CDKAL1: variants seen among roughly 807,000 people sequenced by gnomAD.
CDKAL1 encodes CDKAL1 threonylcarbamoyladenosine tRNA methylthiotransferase.
In CDKAL1, 32 loss-of-function variants were observed where a neutral mutation model predicts 68.2. The observed-to-expected ratio is 0.47, with a 90% confidence interval of 0.35 to 0.63. The LOEUF (loss-of-function observed/expected upper bound fraction) is 0.63. Among genes scored for constraint, CDKAL1 ranks in the 30% least tolerant of loss-of-function variants. The pLI, the probability that CDKAL1 is intolerant of heterozygous loss-of-function variation, is 0.00. For missense variants in CDKAL1, 606 were observed against 696.7 expected (o/e 0.87, Z 1.47); for synonymous variants, 234 against 244.3 (o/e 0.96, Z 0.39).
At chr6:20,912,018 G>A (rs1027969750) in intron 9 of CDKAL1, among the ~76,000 whole-genome samples, 1 of 152,138 alleles carries the variant, frequency 6.6e-6, no homozygotes, top group Non-Finnish European at 1.5e-5. Flanking sequence ...CTCTGAGAAG[G>A]ACCACCCAAT....
chr6:20,666,809 A>G lies in CDKAL1; in HGVS notation c.371+17432A>G, dbSNP rs1158366285. On this transcript the variant is annotated intron_variant, in intron 5 of 15. Transcript: ENST00000274695. ...TTGAAGTGTCTGGATTCTGTTTGCC[A>G]CTGTTTAAAGATTTAACTAGTTCTT... Among the ~76,000 whole-genome samples the G allele has an allele frequency of 1.1e-4, 16 of 151,354 alleles. No homozygotes were observed. In the Admixed American group the frequency reaches 1.1e-3, roughly 10 times the overall value.
At chr6:21,194,167 C>G (rs1299852710) in intron 13 of CDKAL1, among the ~76,000 whole-genome samples, 1 of 152,226 alleles carries the variant, frequency 6.6e-6, no homozygotes, top group Non-Finnish European at 1.5e-5. Context: ...ATCTTAAGGA[C>G]ACTGCCTCCC....
chr6:21,212,345 C>T (rs1779185482), intron 15 of CDKAL1, among the ~76,000 whole-genome samples: 2 of 152,116 alleles, frequency 1.3e-5, no homozygotes, highest in Non-Finnish European at 2.9e-5. Flanking sequence ...AAAAAAAAAT[C>T]ACAGTCAAGC....
intron 4 of CDKAL1, among the ~76,000 whole-genome samples, chr6:20,580,027 T>C (rs549769881): frequency 4.6e-4 from 70 of 152,242 alleles, no homozygotes; most frequent in African/African-American, 1.6e-3. Flanking sequence ...AAGGCTGTAT[T>C]TATAGTAGAT....
At chr6:20,893,140 A>G (rs551456276) in intron 9 of CDKAL1, among the ~76,000 whole-genome samples, 4 of 152,290 alleles carry the variant, frequency 2.6e-5, no homozygotes, top group African/African-American at 7.2e-5. Flanking sequence ...CCTTATTTTT[A>G]ATAGCTGGTA....
intron 5 of CDKAL1, among the ~76,000 whole-genome samples, chr6:20,707,856 A>G (rs939732050): frequency 2.0e-5 from 3 of 152,216 alleles, no homozygotes; most frequent in African/African-American, 7.2e-5. Flanking sequence ...ATCTTTAAAA[A>G]TGTACGTTTT....
At chr6:20,640,032 A>G (rs1561988508) in intron 4 of CDKAL1, among the ~76,000 whole-genome samples, 1 of 152,240 alleles carries the variant, frequency 6.6e-6, no homozygotes, top group African/African-American at 2.4e-5. Flanking sequence ...GAATTCTCTT[A>G]TTAAAGCATA....
At chr6:21,169,943 G>C (rs1777314104) in intron 13 of CDKAL1, among the ~76,000 whole-genome samples, 1 of 118,750 alleles carries the variant, frequency 8.4e-6, no homozygotes, top group African/African-American at 3.5e-5. Context: ...CCATGATTCA[G>C]TTACCTCCCA....
chr6:20,715,263 A>C (rs1772035018), intron 5 of CDKAL1, among the ~76,000 whole-genome samples: 1 of 151,860 alleles, frequency 6.6e-6, no homozygotes, highest in Non-Finnish European at 1.5e-5. Flanking sequence ...ATATTTGCCA[A>C]CCCTCCCCCC....
Position 20,728,095 on chromosome 6 carries a change from G to C in CDKAL1, c.372-11424G>C, listed in dbSNP as rs147481889. ...CTTCATAAAATGTCTAGTGGCCACT[G>C]GTCTGTGAACTTATTTGTGTTTATT... On this transcript the variant is annotated intron_variant, in intron 5 of 15. Transcript: ENST00000274695. 2.0e-3 allele frequency among the ~76,000 whole-genome samples: 303 copies of C among 152,192 alleles called. 2 individuals carry two copies. The highest frequency in any genetic ancestry group is 7.0e-3 in the African/African-American group (290 of 41,522).
At chr6:20,909,077 C>T (rs1261632627) in intron 9 of CDKAL1, among the ~76,000 whole-genome samples, 8 of 152,062 alleles carry the variant, frequency 5.3e-5, no homozygotes, top group Non-Finnish European at 1.2e-4. Flanking sequence ...ATGCAAACAC[C>T]ATAATTTAAA....
At chr6:21,179,216 G>A (rs545189770) in intron 13 of CDKAL1, among the ~76,000 whole-genome samples, 2 of 152,278 alleles carry the variant, frequency 1.3e-5, no homozygotes, top group African/African-American at 4.8e-5. Context: ...AGAGAGTGTG[G>A]GGTGGAGGTG....
At chr6:20,622,310 C>A (rs1293046606) in intron 4 of CDKAL1, among the ~76,000 whole-genome samples, 1 of 151,960 alleles carries the variant, frequency 6.6e-6, no homozygotes, top group Admixed American at 6.6e-5. Context: ...GGAAAAAATT[C>A]TTCATGGTTA....
At chr6:20,966,558 AATT>A (rs1190948162) in intron 10 of CDKAL1, among the ~76,000 whole-genome samples, 5 of 152,256 alleles carry the variant, frequency 3.3e-5, no homozygotes, top group Middle Eastern at 3.4e-3. Flanking sequence ...AAAGATCCCC[AATT>A]ATTCATTAGT....
intron 13 of CDKAL1, among the ~76,000 whole-genome samples, chr6:21,161,749 G>A (rs1405307400): frequency 3.3e-5 from 5 of 152,194 alleles, no homozygotes; most frequent in Admixed American, 3.3e-4. Context: ...TGGGCTTGGA[G>A]TAATTAAGCA....
At chr6:21,065,469 A>T (rs9465961) in intron 12 of CDKAL1, among the ~76,000 whole-genome samples, 38,017 of 151,684 alleles carry the variant, frequency 0.25, 5,091 homozygotes, top group South Asian at 0.35. Flanking sequence ...GGGGAAAAAA[A>T]TTTTTAATTA....
At chr6:21,191,309 C>T (rs1231379180) in intron 13 of CDKAL1, among the ~76,000 whole-genome samples, 2 of 152,180 alleles carry the variant, frequency 1.3e-5, no homozygotes, top group African/African-American at 2.4e-5. Flanking sequence ...TGTGTTTTAT[C>T]TGCACTCTCT....
intron 9 of CDKAL1, among the ~76,000 whole-genome samples, chr6:20,937,215 G>A (rs1763763903): frequency 6.6e-6 from 1 of 151,996 alleles, no homozygotes; most frequent in African/African-American, 2.4e-5. Context: ...CAGCTCCTGG[G>A]CTGGGACTAC....
intron 11 of CDKAL1, among the ~76,000 whole-genome samples, chr6:21,023,961 C>G (rs1312677022): frequency 6.6e-6 from 1 of 152,112 alleles, no homozygotes; most frequent in Non-Finnish European, 1.5e-5. Context: ...TGAGGGGAAA[C>G]TGTCCTTGGC....
Sources: allele counts gnomAD v4.1 joint callset (sites outside exome capture counted in the v4.1 genomes callset), GRCh38; gene constraint gnomAD v4.1.1; transcripts MANE v1.5; gene names NCBI Gene and HGNC (gene_info 2026-07-23, HGNC 2026-07-21).